LMO4: variants seen among roughly 807,000 people sequenced by gnomAD.
The protein encoded by LMO4 is LIM domain transcription factor LMO4.
In LMO4, 3 loss-of-function variants were observed where a neutral mutation model predicts 18.5. The ratio of observed to expected loss-of-function variants is 0.16; its 90% confidence interval spans 0.07 to 0.42. The LOEUF is 0.42. LMO4 is among the 10% of genes least tolerant of loss of function. The probability of loss-of-function intolerance (pLI) is 0.99; values close to 1 mark genes in which losing one functional copy is unlikely to be tolerated. For missense variants in LMO4, 121 were observed against 219.9 expected (o/e 0.55, Z 2.84); for synonymous variants, 100 against 88.1 (o/e 1.14, Z -0.76).
rs1160332598 is a variant in LMO4 at position 87,346,008 on chromosome 1, G to A, written c.*1212G>A. On this transcript the variant is annotated 3_prime_UTR_variant, in exon 5 of 5. Transcript: ENST00000370544. ...CTTATTGAGTTTATAGCTTTTGAAGGAAGTCACAATTTCTAAGTCATACCT... is the reference window on the plus strand; with the variant it reads ...CTTATTGAGTTTATAGCTTTTGAAGAAAGTCACAATTTCTAAGTCATACCT... 1 of 152,128 alleles carries A rather than the reference G, an allele frequency of 6.6e-6. No homozygotes were observed. The highest frequency in any genetic ancestry group is 6.5e-5 in the Admixed American group (1 of 15,274). The allele number at this position is 152,128 out of a possible 1,614,324, so 9.4% of individuals were successfully genotyped here.
intron 2 of LMO4, among the ~76,000 whole-genome samples, chr1:87,337,344 C>T (rs914136158): frequency 9.9e-5 from 15 of 152,124 alleles, no homozygotes; most frequent in East Asian, 3.8e-4. Context: ...AAATACACTT[C>T]GATGTTGAAG....
At chr1:87,344,330 A>T (rs1650571453) in intron 4 of LMO4, among the ~76,000 whole-genome samples, 1 of 152,206 alleles carries the variant, frequency 6.6e-6, no homozygotes, top group Non-Finnish European at 1.5e-5. Flanking sequence ...TTCTTTAAAG[A>T]TGAGGAAACT....
chr1:87,345,238 C>T lies in LMO4; in HGVS notation c.*442C>T, dbSNP rs181590288. The T allele has an allele frequency of 3.4e-4, 54 of 157,982 alleles. No individual in the cohort carries two copies. The highest frequency in any genetic ancestry group is 7.1e-4 in the Admixed American group (11 of 15,482). The allele number at this position is 157,982 out of a possible 1,614,324, so 9.8% of individuals were successfully genotyped here. On this transcript the variant is annotated 3_prime_UTR_variant, in exon 5 of 5. Coordinates refer to ENST00000370544, the MANE Select transcript of LMO4 (RefSeq NM_006769.4). ...TGTATATTTAAGTGTTGTAAGGAAA[C>T]GTGTTTCAATCAAAACTGACCATGA...
At chr1:87,336,165 T>G (rs1650306088) in intron 2 of LMO4, among the ~76,000 whole-genome samples, 1 of 152,238 alleles carries the variant, frequency 6.6e-6, no homozygotes, top group Non-Finnish European at 1.5e-5. Flanking sequence ...TTGCATTTCT[T>G]TGTTACATTT....
At chr1:87,337,672 A>G (rs1451171285) in intron 2 of LMO4, among the ~76,000 whole-genome samples, 1 of 152,188 alleles carries the variant, frequency 6.6e-6, no homozygotes, top group Non-Finnish European at 1.5e-5. Context: ...TGAATTTGGT[A>G]TCCCTTTTGG....
chr1:87,344,560 T>C (rs1287869301), intron 4 of LMO4, among the ~76,000 whole-genome samples: 1 of 152,206 alleles, frequency 6.6e-6, no homozygotes, highest in Non-Finnish European at 1.5e-5. Flanking sequence ...TTTCTGAGCG[T>C]CCATTTACTG....
chr1:87,337,354 G>A (rs918717673), intron 2 of LMO4, among the ~76,000 whole-genome samples: 1 of 152,174 alleles, frequency 6.6e-6, no homozygotes, highest in South Asian at 2.1e-4. Flanking sequence ...CGATGTTGAA[G>A]ACTTACAACT....
chr1:87,342,503 G>A (rs1460645744), intron 4 of LMO4, among the ~76,000 whole-genome samples: 3 of 152,120 alleles, frequency 2.0e-5, no homozygotes, highest in South Asian at 2.1e-4. Context: ...ACCTATTAGT[G>A]TATGTTTTCT....
rs2100571786 is a variant in LMO4, at chr1:87,345,741, ATTACT to A, written c.*947_*951del. On this transcript the variant is annotated 3_prime_UTR_variant, in exon 5 of 5. Coordinates refer to ENST00000370544, the MANE Select transcript of LMO4 (RefSeq NM_006769.4). The stretch of plus-strand genomic sequence containing the variant: ...TCTGGGCCAGTAAGGTATTCTTCAA[ATTACT>A]TAACCACGCCATTATTGGCAGGGGT... The A allele has an allele frequency of 6.6e-6, 1 of 152,296 alleles. No homozygotes were observed. The highest frequency in any genetic ancestry group is 2.4e-5 in the African/African-American group (1 of 41,572). 9.4% of individuals were successfully genotyped at this position (152,296 alleles called of 1,614,324 possible).
chr1:87,340,240 C>G (rs779034537), intron 4 of LMO4, 38 bp downstream of exon 4: 54 of 1,599,966 alleles, frequency 3.4e-5, no homozygotes, highest in Non-Finnish European at 4.4e-5. Context: ...TTTATTAGAG[C>G]AAGTTGGAAG....
At chr1:87,338,601 G>A (rs950486804) in intron 2 of LMO4, among the ~76,000 whole-genome samples, 1 of 152,212 alleles carries the variant, frequency 6.6e-6, no homozygotes, top group Non-Finnish European at 1.5e-5. Context: ...TGTGCTTGCA[G>A]AAGGATGTAA....
At chr1:87,344,266 G>C (rs1037011718) in intron 4 of LMO4, among the ~76,000 whole-genome samples, 3 of 152,188 alleles carry the variant, frequency 2.0e-5, no homozygotes, top group Non-Finnish European at 4.4e-5. Context: ...GCCAAGCACT[G>C]TTGAAAGTGC....
chr1:87,339,439 G>A (rs1266386885), intron 2 of LMO4, 97 bp from the exon 3 acceptor site: 2 of 758,426 alleles, frequency 2.6e-6, no homozygotes, highest in East Asian at 2.6e-5. Context: ...CCTGTCAAAT[G>A]CATTCCAAAG....
intron 1 of LMO4, among the ~76,000 whole-genome samples, chr1:87,329,625 A>ACC (rs551092359): frequency 6.6e-6 from 1 of 150,772 alleles, no homozygotes; most frequent in African/African-American, 2.4e-5. Flanking sequence ...TAGTCACGAT[A>ACC]CCCCCCCTCC....
chr1:87,333,535 G>C (rs531147805), intron 2 of LMO4, among the ~76,000 whole-genome samples: 1 of 152,254 alleles, frequency 6.6e-6, no homozygotes, highest in East Asian at 1.9e-4. Context: ...GTGCAGTTCC[G>C]AGCTGAGTGT....
At chr1:87,341,207 A>G (rs1650464714) in intron 4 of LMO4, among the ~76,000 whole-genome samples, 1 of 152,188 alleles carries the variant, frequency 6.6e-6, no homozygotes, top group South Asian at 2.1e-4. Flanking sequence ...ACATTGATTC[A>G]TTTACTCTTT....
chr1:87,334,745 C>G (rs2100776431), intron 2 of LMO4, among the ~76,000 whole-genome samples: 1 of 152,290 alleles, frequency 6.6e-6, no homozygotes. Flanking sequence ...GGCGCTTTCA[C>G]CAGTCCCCTC....
chr1:87,341,275 G>A (rs1336389358), intron 4 of LMO4, among the ~76,000 whole-genome samples: 1 of 152,126 alleles, frequency 6.6e-6, no homozygotes, highest in Non-Finnish European at 1.5e-5. Flanking sequence ...TTTAATTTCA[G>A]ATTGGTGATA....
At chr1:87,336,341 C>G (rs1298100748) in intron 2 of LMO4, among the ~76,000 whole-genome samples, 1 of 152,192 alleles carries the variant, frequency 6.6e-6, no homozygotes, top group African/African-American at 2.4e-5. Context: ...AGAAACGTAC[C>G]TCTCCTTGCC....
Sources: gnomAD v4.1 joint callset for allele counts (sites outside exome capture counted in the v4.1 genomes callset) on GRCh38, gnomAD v4.1.1 for gene constraint, MANE v1.5 for transcripts, NCBI Gene and HGNC (gene_info 2026-07-23, HGNC 2026-07-21) for gene names.